The following SPHKAP variants were observed in gnomAD, a reference collection of about 807,000 sequenced individuals.
SPHKAP encodes the protein SPHK1 interactor, AKAP domain containing, also known as A-kinase anchor protein SPHKAP.
SPHKAP carries 67 observed loss-of-function variants against 137.5 expected under a neutral mutation model. The observed-to-expected ratio is 0.49, with a 90% CI of 0.40 to 0.60. The LOEUF is 0.60. Ranked by LOEUF, SPHKAP falls within the 20% of genes least tolerant of loss-of-function variation. The pLI is 0.00. For missense variants in SPHKAP, 2,097 were observed against 2,069.3 expected (o/e 1.01, Z -0.26); for synonymous variants, 813 against 785.3 (o/e 1.04, Z -0.59).
chr2:227,994,504 T>A (rs1693546744), intron 8 of SPHKAP, among the ~76,000 whole-genome samples: 1 of 152,178 alleles, frequency 6.6e-6, no homozygotes, highest in Non-Finnish European at 1.5e-5. Flanking sequence ...TGGTGGTGCG[T>A]CGTGTAGTGG....
intron 1 of SPHKAP, 49 bp from the exon 2 acceptor site, chr2:228,132,134 T>C (rs1699273700): frequency 4.9e-6 from 7 of 1,433,838 alleles, no homozygotes; most frequent in African/African-American, 1.4e-5. Flanking sequence ...GTCATATCTA[T>C]ATTTGGAAAT....
At chr2:228,125,755 G>T (rs897880351) in intron 2 of SPHKAP, among the ~76,000 whole-genome samples, 23 of 152,108 alleles carry the variant, frequency 1.5e-4, no homozygotes, top group African/African-American at 5.1e-4. Context: ...ATTCAGTTTA[G>T]TAATGGTGGT....
intron 3 of SPHKAP, among the ~76,000 whole-genome samples, chr2:228,038,812 G>A (rs1281882824): frequency 6.6e-6 from 1 of 152,052 alleles, no homozygotes; most frequent in Non-Finnish European, 1.5e-5. Flanking sequence ...TACAAGAAAG[G>A]GACATTTGTA....
intron 1 of SPHKAP, among the ~76,000 whole-genome samples, chr2:228,164,074 C>A (rs986056605): frequency 5.9e-5 from 9 of 152,170 alleles, no homozygotes; most frequent in African/African-American, 2.2e-4. Flanking sequence ...ACAGCAAAAA[C>A]AAAGCAGGTA....
chr2:227,997,247 A>G (rs1430922446), intron 7 of SPHKAP, among the ~76,000 whole-genome samples: 1 of 152,182 alleles, frequency 6.6e-6, no homozygotes, highest in Non-Finnish European at 1.5e-5. Context: ...AAACAAAACT[A>G]TCTACTGTTT....
intron 7 of SPHKAP, among the ~76,000 whole-genome samples, chr2:228,009,470 C>G (rs1209518884): frequency 6.6e-6 from 1 of 152,054 alleles, no homozygotes; most frequent in African/African-American, 2.4e-5. Flanking sequence ...TATTTAATTT[C>G]TTTATCATGT....
In SPHKAP at chr2:228,105,248, G is replaced by A. The variant is rs572905325; in HGVS notation, c.246+3584C>T. ...CTCCCAAAGTGCTGTGATTATTGGC[G>A]TGAGCCACAATGCCTGGCCTAATTT... On this transcript the variant is annotated intron_variant, in intron 3 of 11. Coordinates refer to ENST00000392056, the MANE Select transcript of SPHKAP (RefSeq NM_001142644.2). Among the ~76,000 whole-genome samples the A allele has an allele frequency of 4.6e-5, 7 of 152,176 alleles. No homozygotes were observed. The South Asian group carries it at 1.0e-3, about 23-fold the overall frequency.
chr2:228,029,264 A>T (rs754508732), intron 3 of SPHKAP, among the ~76,000 whole-genome samples: 3 of 152,236 alleles, frequency 2.0e-5, no homozygotes, highest in Non-Finnish European at 4.4e-5. Context: ...TAGACATTTG[A>T]ACTTTCAGAT....
chr2:228,035,687 T>C (rs1695560978), intron 3 of SPHKAP, among the ~76,000 whole-genome samples: 1 of 152,090 alleles, frequency 6.6e-6, no homozygotes, highest in Admixed American at 6.5e-5. Context: ...AACAGAGATA[T>C]AGATCAATGG....
intron 7 of SPHKAP, among the ~76,000 whole-genome samples, chr2:228,001,450 T>G (rs1470956479): frequency 7.0e-6 from 1 of 142,326 alleles, no homozygotes; most frequent in South Asian, 2.1e-4. Context: ...TATATGTATA[T>G]ATACGAATAT....
chr2:228,137,762 C>T (rs1360891169), intron 1 of SPHKAP, among the ~76,000 whole-genome samples: 1 of 152,152 alleles, frequency 6.6e-6, no homozygotes, highest in African/African-American at 2.4e-5. Flanking sequence ...AATTTAACAA[C>T]ATATGACAAC....
At chr2:228,070,611 G>A (rs1421493242) in intron 3 of SPHKAP, among the ~76,000 whole-genome samples, 6 of 152,086 alleles carry the variant, frequency 3.9e-5, no homozygotes, top group African/African-American at 1.4e-4. Context: ...TTGTTTTCTG[G>A]CACTGTTTCT....
chr2:228,072,563 C>A (rs2106303297), intron 3 of SPHKAP, among the ~76,000 whole-genome samples: 1 of 152,170 alleles, frequency 6.6e-6, no homozygotes, highest in East Asian at 1.9e-4. Context: ...GGTCAGGGTT[C>A]CTTCCCCTTT....
chr2:228,029,183 C>T (rs1358759212), intron 3 of SPHKAP, among the ~76,000 whole-genome samples: 1 of 152,120 alleles, frequency 6.6e-6, no homozygotes, highest in East Asian at 1.9e-4. Context: ...AGCAATCATC[C>T]AAAGGTTTTT....
intron 3 of SPHKAP, among the ~76,000 whole-genome samples, chr2:228,031,791 T>C (rs1027029661): frequency 6.6e-6 from 1 of 152,206 alleles, no homozygotes; most frequent in Non-Finnish European, 1.5e-5. Context: ...AATGGACCTC[T>C]AGCAAACTCC....
At chr2:228,168,475 T>C (rs541448320) in intron 1 of SPHKAP, among the ~76,000 whole-genome samples, 5 of 152,290 alleles carry the variant, frequency 3.3e-5, no homozygotes, top group African/African-American at 9.6e-5. Context: ...ATTATTAATA[T>C]TACAGCTATT....
At chr2:228,140,570 CTG>C (rs1699575114) in intron 1 of SPHKAP, among the ~76,000 whole-genome samples, 1 of 152,066 alleles carries the variant, frequency 6.6e-6, no homozygotes, top group Admixed American at 6.6e-5. Context: ...AGAGGAGAAA[CTG>C]AGGATTGATG....
intron 11 of SPHKAP, among the ~76,000 whole-genome samples, chr2:227,985,429 G>C (rs1033012021): frequency 6.6e-6 from 1 of 152,020 alleles, no homozygotes; most frequent in Non-Finnish European, 1.5e-5. Context: ...GTTCTTTACC[G>C]GGCTTTTAAA....
chr2:228,015,644 G>A (rs910276745), intron 7 of SPHKAP, among the ~76,000 whole-genome samples: 1 of 152,180 alleles, frequency 6.6e-6, no homozygotes, highest in Non-Finnish European at 1.5e-5. Context: ...AAAATGGATT[G>A]TCAACTATGT....
Sources: gnomAD v4.1 joint callset for allele counts (sites outside exome capture counted in the v4.1 genomes callset) on GRCh38, gnomAD v4.1.1 for gene constraint, MANE v1.5 for transcripts, NCBI Gene and HGNC (gene_info 2026-07-23, HGNC 2026-07-21) for gene names.